The following IMMP2L variants were observed in gnomAD, a reference collection of about 807,000 sequenced individuals.
IMMP2L encodes the protein inner mitochondrial membrane peptidase subunit 2.
In IMMP2L, 18 loss-of-function variants were observed where a neutral mutation model predicts 19.3. The observed-to-expected ratio is 0.93, with a 90% CI of 0.64 to 1.38. The LOEUF (loss-of-function observed/expected upper bound fraction) is 1.38. Among genes scored for constraint, IMMP2L ranks in the 40% most tolerant of loss-of-function variants. IMMP2L has a pLI of 0.00. For synonymous variants in IMMP2L, 76 were observed against 73.0 expected (o/e 1.04, Z -0.21); for missense variants, 233 against 218.2 (o/e 1.07, Z -0.43).
At chr7:111,076,291 A>C (rs10226455) in intron 3 of IMMP2L, among the ~76,000 whole-genome samples, 45 of 152,340 alleles carry the variant, frequency 3.0e-4, no homozygotes, top group African/African-American at 1.1e-3. Flanking sequence ...TAGGTGATTC[A>C]TAAGTCTGAG....
chr7:111,558,111 A>C (rs1393929731), intron 1 of IMMP2L, among the ~76,000 whole-genome samples: 1 of 152,208 alleles, frequency 6.6e-6, no homozygotes, highest in African/African-American at 2.4e-5. Flanking sequence ...TTCCAGCGGA[A>C]CAGTTGACAA....
chr7:111,398,771 G>A (rs1170916354), intron 3 of IMMP2L, among the ~76,000 whole-genome samples: 2 of 151,444 alleles, frequency 1.3e-5, no homozygotes, highest in South Asian at 2.1e-4. Flanking sequence ...AAAGAATTCA[G>A]CAAAATTTCC....
intron 3 of IMMP2L, among the ~76,000 whole-genome samples, chr7:111,424,254 G>C (rs963171906): frequency 6.6e-6 from 1 of 151,672 alleles, no homozygotes; most frequent in Non-Finnish European, 1.5e-5. Context: ...CTGTTACAAC[G>C]CAAGTGCACA....
chr7:111,335,445 T>G (rs1377455656), intron 3 of IMMP2L, among the ~76,000 whole-genome samples: 1 of 152,072 alleles, frequency 6.6e-6, no homozygotes, highest in Non-Finnish European at 1.5e-5. Context: ...AGATGAAAGG[T>G]TAATATTATA....
chr7:111,419,177 G>A (rs947948069), intron 3 of IMMP2L, among the ~76,000 whole-genome samples: 14 of 151,554 alleles, frequency 9.2e-5, no homozygotes, highest in Non-Finnish European at 1.6e-4. Flanking sequence ...TCCAATATAT[G>A]AAGAATATAT....
At chr7:110,698,099 T>C (rs1794010295) in intron 5 of IMMP2L, among the ~76,000 whole-genome samples, 3 of 152,198 alleles carry the variant, frequency 2.0e-5, no homozygotes, top group Non-Finnish European at 2.9e-5. Flanking sequence ...TAAAATTTCA[T>C]GGGGAGGCAG....
intron 3 of IMMP2L, among the ~76,000 whole-genome samples, chr7:111,429,124 A>G (rs1375844259): frequency 1.3e-5 from 2 of 151,800 alleles, no homozygotes; most frequent in Admixed American, 1.3e-4. Flanking sequence ...TTCTTCTTTC[A>G]TTAAGTAACA....
intron 3 of IMMP2L, among the ~76,000 whole-genome samples, chr7:111,101,727 G>A (rs1798001248): frequency 6.6e-6 from 1 of 151,426 alleles, no homozygotes; most frequent in Non-Finnish European, 1.5e-5. Flanking sequence ...AGCTAAATGA[G>A]TTAGGGGTTT....
intron 5 of IMMP2L, among the ~76,000 whole-genome samples, chr7:110,715,151 C>T (rs1384947743): frequency 2.0e-5 from 3 of 151,844 alleles, no homozygotes; most frequent in African/African-American, 7.3e-5. Flanking sequence ...TTATTTGGAT[C>T]TTCTCTCTTT....
chr7:111,442,851 A>G (rs987693457), intron 3 of IMMP2L, among the ~76,000 whole-genome samples: 3 of 151,954 alleles, frequency 2.0e-5, no homozygotes, highest in Non-Finnish European at 4.4e-5. Flanking sequence ...GCCACTTCAC[A>G]GCAAGTACTG....
At chr7:111,226,379 C>G (rs214473) in intron 3 of IMMP2L, among the ~76,000 whole-genome samples, 69,629 of 151,718 alleles carry the variant, frequency 0.46, 16,346 homozygotes, top group Non-Finnish European at 0.52. Context: ...ATGTTGCCCA[C>G]GCTGGTCTTG....
At chr7:111,164,157 A>AAGGAAGGCAGGAAGGCAGAAAGGC (rs1562874968) in intron 3 of IMMP2L, among the ~76,000 whole-genome samples, 2 of 150,994 alleles carry the variant, frequency 1.3e-5, no homozygotes, top group East Asian at 4.0e-4. Flanking sequence ...GGAAGGAAGG[A>AAGGAAGGCAGGAAGGCAGAAAGGC]AGGAAGGCAG....
chr7:111,486,234 T>G (rs1842644496), intron 3 of IMMP2L, among the ~76,000 whole-genome samples: 2 of 152,200 alleles, frequency 1.3e-5, no homozygotes, highest in South Asian at 4.1e-4. Flanking sequence ...TGTTTTCAAA[T>G]GAATACTGGT....
At position 110,762,437 on chromosome 7, in the gene IMMP2L, G is replaced by A. The variant is rs529057301; in HGVS notation, c.409-98716C>T. 2.6e-5 allele frequency among the ~76,000 whole-genome samples: 4 copies of A among 152,120 alleles called. No individual in the cohort carries two copies. In the East Asian group the frequency reaches 5.8e-4, roughly 22 times the overall value. ...ACCACTACTGGCTGCAAAATGGCAC[G>A]TTCTGTGTATAACGAACATGTTCAT... On this transcript the variant is annotated intron_variant, in intron 5 of 5. Transcript: ENST00000405709.
intron 3 of IMMP2L, among the ~76,000 whole-genome samples, chr7:111,428,549 A>AT (rs1226869145): frequency 3.4e-5 from 5 of 149,178 alleles, no homozygotes; most frequent in Non-Finnish European, 7.4e-5. Flanking sequence ...ACCTTTTAAA[A>AT]TTTTCTTTGA....
intron 3 of IMMP2L, among the ~76,000 whole-genome samples, chr7:111,210,604 G>A (rs539126483): frequency 6.6e-6 from 1 of 151,664 alleles, no homozygotes; most frequent in South Asian, 2.1e-4. Flanking sequence ...TTTGAAGTGT[G>A]TTTCCTTTTC....
intron 4 of IMMP2L, among the ~76,000 whole-genome samples, chr7:110,894,686 C>T (rs901813128): frequency 1.3e-5 from 2 of 152,056 alleles, no homozygotes; most frequent in African/African-American, 4.8e-5. Context: ...TTTTTTTCTA[C>T]AAAGAATATA....
chr7:111,257,956 G>A lies in IMMP2L; in HGVS notation c.239+229282C>T, dbSNP rs1272865368. 4.0e-5 allele frequency among the ~76,000 whole-genome samples: 6 copies of A among 150,746 alleles called. No homozygotes were observed. In the South Asian group the frequency reaches 8.5e-4, roughly 21 times the overall value. ...AGCCCCCCAGCCCCCAACAGGCCTC[G>A]GTGTGTGATGTTCCCCTCCCTGTGT... On this transcript the variant is annotated intron_variant, in intron 3 of 5. Coordinates refer to ENST00000405709, the MANE Select transcript of IMMP2L (RefSeq NM_032549.4).
At chr7:111,476,950 T>C (rs1250504054) in intron 3 of IMMP2L, among the ~76,000 whole-genome samples, 1 of 152,156 alleles carries the variant, frequency 6.6e-6, no homozygotes, top group Non-Finnish European at 1.5e-5. Context: ...CTTATTTACA[T>C]CTGTCCCTTT....
Sources: allele counts gnomAD v4.1 joint callset (sites outside exome capture counted in the v4.1 genomes callset), GRCh38; gene constraint gnomAD v4.1.1; transcripts MANE v1.5; gene names NCBI Gene and HGNC (gene_info 2026-07-23, HGNC 2026-07-21).